CDH9: variants seen among roughly 807,000 people sequenced by gnomAD.
CDH9 encodes the protein cadherin 9.
A neutral mutation model predicts 70.9 loss-of-function variants in CDH9; 28 were observed. The observed-to-expected ratio is 0.40, with a 90% CI of 0.29 to 0.54. CDH9 has a LOEUF of 0.54. CDH9 is among the 20% of genes least tolerant of loss of function. The pLI, the probability that CDH9 is intolerant of heterozygous loss-of-function variation, is 0.59. For missense variants in CDH9, 874 were observed against 984.4 expected (o/e 0.89, Z 1.50); for synonymous variants, 409 against 343.1 (o/e 1.19, Z -2.12).
intron 1 of CDH9, among the ~76,000 whole-genome samples, chr5:27,034,689 A>C (rs75311677): frequency 0.024 from 3,628 of 151,440 alleles, 158 homozygotes; most frequent in African/African-American, 0.083. Flanking sequence ...ATGTTTGGAG[A>C]GGTGTTTCTT....
At chr5:27,017,014 C>T (rs947238241) in intron 1 of CDH9, among the ~76,000 whole-genome samples, 1 of 151,870 alleles carries the variant, frequency 6.6e-6, no homozygotes, top group Non-Finnish European at 1.5e-5. Context: ...ATTGGAGAAA[C>T]TCTTCAGCCC....
chr5:27,015,375 G>A (rs1445049049), intron 1 of CDH9, among the ~76,000 whole-genome samples: 5 of 151,568 alleles, frequency 3.3e-5, no homozygotes. Flanking sequence ...TTAAAATCAG[G>A]CTTTATTGAA....
intron 1 of CDH9, among the ~76,000 whole-genome samples, chr5:27,030,391 C>A (rs1313090943): frequency 6.6e-6 from 1 of 151,472 alleles, no homozygotes; most frequent in African/African-American, 2.4e-5. Context: ...AAAATGAATG[C>A]CAGGTTAAAA....
At chr5:26,903,288 A>T in intron 6 of CDH9, 1 of 346,732 alleles carries the variant, frequency 2.9e-6, no homozygotes, top group South Asian at 2.5e-5. Context: ...TATTTATTTA[A>T]ATATATCATC....
At chr5:26,911,945 T>A in intron 3 of CDH9, among the ~76,000 whole-genome samples, 1 of 150,320 alleles carries the variant, frequency 6.7e-6, no homozygotes, top group East Asian at 2.0e-4. Flanking sequence ...AGGGAAGGAG[T>A]TGGTAAGAGA....
In CDH9 at chr5:26,885,987, A is replaced by C; in HGVS notation, c.1609T>G (p.Phe537Val). The change falls in exon 10 of 12, where the codon TTC becomes GTC. Residue 537 changes from phenylalanine to valine, a missense_variant. Phe to Val is a conservative substitution (Grantham distance 50). Transcript: ENST00000231021. ...ATACCTTTATTATCTACAATGGTGA[A>C]ATTCGGATTGAGAGTAAATTCTGGC... Reference protein sequence around the residue: ...PVPEFTLNPNFTIVDNKDNTA... With the variant: ...PVPEFTLNPNVTIVDNKDNTA... 4 of 1,610,822 alleles carry C rather than the reference A, an allele frequency of 2.5e-6. No individual in the cohort carries two copies. Among genetic ancestry groups the C allele is most frequent in the Non-Finnish European group, 3.4e-6 (4 of 1,178,856 alleles).
chr5:27,022,890 T>C (rs1394201618), intron 1 of CDH9, among the ~76,000 whole-genome samples: 1 of 152,082 alleles, frequency 6.6e-6, no homozygotes, highest in Non-Finnish European at 1.5e-5. Context: ...GAGGCCATGA[T>C]ATTTAGACTT....
chr5:27,011,062 A>G (rs1257271368), intron 1 of CDH9, among the ~76,000 whole-genome samples: 1 of 152,058 alleles, frequency 6.6e-6, no homozygotes, highest in Non-Finnish European at 1.5e-5. Flanking sequence ...TCACATTTCA[A>G]TGGGCATAAA....
intron 2 of CDH9, among the ~76,000 whole-genome samples, chr5:26,932,565 A>G (rs1397593914): frequency 1.3e-5 from 2 of 152,108 alleles, no homozygotes; most frequent in African/African-American, 4.8e-5. Flanking sequence ...CAACTTATCT[A>G]TGATAATTTT....
chr5:26,904,624 C>A (rs924222263), intron 5 of CDH9, among the ~76,000 whole-genome samples: 1 of 152,100 alleles, frequency 6.6e-6, no homozygotes, highest in Admixed American at 6.6e-5. Context: ...AGGGAGGATG[C>A]AAAAACTAAT....
chr5:26,883,075 AT>A (rs1290919482), intron 11 of CDH9, among the ~76,000 whole-genome samples: 2 of 131,214 alleles, frequency 1.5e-5, no homozygotes, highest in African/African-American at 5.7e-5. Context: ...ATATATATAT[AT>A]ATATATATAT....
chr5:27,020,022 T>C (rs1431415884), intron 1 of CDH9, among the ~76,000 whole-genome samples: 4 of 151,852 alleles, frequency 2.6e-5, no homozygotes, highest in Non-Finnish European at 4.4e-5. Context: ...GAACAGGTGA[T>C]ATTAACTTAT....
In CDH9 at chr5:26,964,246, C is replaced by T. The variant is rs182601267; in HGVS notation, c.228+23860G>A. On this transcript the variant is annotated intron_variant, in intron 2 of 11. Transcript: ENST00000231021. ...ACAAGCACACGCATTCATGGTAGAA[C>T]ATGGGGAAATATTTTTCAATTCTAT... is the stretch of plus-strand genomic sequence containing the variant. Among the ~76,000 whole-genome samples, 31 of 151,976 alleles carry T rather than the reference C, an allele frequency of 2.0e-4. No homozygotes were observed. The East Asian group carries it at 5.8e-3, about 29-fold the overall frequency.
intron 11 of CDH9, among the ~76,000 whole-genome samples, chr5:26,882,031 A>C (rs979984791): frequency 6.6e-6 from 1 of 152,098 alleles, no homozygotes; most frequent in Non-Finnish European, 1.5e-5. Flanking sequence ...TTAATGATTC[A>C]AGGGAATATA....
At chr5:26,939,797 T>C (rs907095738) in intron 2 of CDH9, among the ~76,000 whole-genome samples, 1 of 152,160 alleles carries the variant, frequency 6.6e-6, no homozygotes, top group Non-Finnish European at 1.5e-5. Flanking sequence ...TGTTTAGGCA[T>C]GCATGCATGG....
chr5:26,951,090 G>A (rs576552769), intron 2 of CDH9, among the ~76,000 whole-genome samples: 39 of 151,872 alleles, frequency 2.6e-4, no homozygotes, highest in African/African-American at 8.2e-4. Flanking sequence ...TCAGGAGTTC[G>A]AGGCAAGCCT....
chr5:26,982,044 G>T (rs1742408614), intron 2 of CDH9, among the ~76,000 whole-genome samples: 1 of 151,922 alleles, frequency 6.6e-6, no homozygotes, highest in Non-Finnish European at 1.5e-5. Flanking sequence ...GTCACTTGTT[G>T]TTTCCCTCCC....
intron 1 of CDH9, among the ~76,000 whole-genome samples, chr5:27,037,245 T>A (rs1190050735): frequency 3.3e-5 from 5 of 151,920 alleles, no homozygotes; most frequent in African/African-American, 1.2e-4. Flanking sequence ...CTTTTTTTGA[T>A]GTCACAAAGT....
At chr5:26,940,814 T>G (rs971012784) in intron 2 of CDH9, among the ~76,000 whole-genome samples, 1 of 152,176 alleles carries the variant, frequency 6.6e-6, no homozygotes, top group Non-Finnish European at 1.5e-5. Context: ...CCTGAAAATA[T>G]TACTGTAGGA....
Sources: gnomAD v4.1 joint callset for allele counts (sites outside exome capture counted in the v4.1 genomes callset) on GRCh38, gnomAD v4.1.1 for gene constraint, MANE v1.5 for transcripts, NCBI Gene and HGNC (gene_info 2026-07-23, HGNC 2026-07-21) for gene names.